SLIT3: variants seen among roughly 807,000 people sequenced by gnomAD.
SLIT3 encodes slit guidance ligand 3.
Under a neutral mutation model 184.0 loss-of-function variants are expected in SLIT3, and 68 were observed. The observed-to-expected ratio is 0.37, with a 90% CI of 0.30 to 0.45. The LOEUF is 0.45. SLIT3 is among the 20% of genes least tolerant of loss of function. SLIT3 has a pLI of 1.00. For missense variants in SLIT3, 1,707 were observed against 2,026.0 expected (o/e 0.84, Z 3.02); for synonymous variants, 831 against 828.6 (o/e 1.00, Z -0.05).
At chr5:168,820,329 G>C (rs986726494) in intron 7 of SLIT3, among the ~76,000 whole-genome samples, 1 of 152,112 alleles carries the variant, frequency 6.6e-6, no homozygotes, top group African/African-American at 2.4e-5. Flanking sequence ...CTGAGCTCAG[G>C]CTGTGATGGC....
intron 3 of SLIT3, among the ~76,000 whole-genome samples, chr5:169,233,787 C>G (rs1431501428): frequency 2.0e-5 from 3 of 152,044 alleles, no homozygotes; most frequent in Non-Finnish European, 4.4e-5. Flanking sequence ...TTTGGCTCCT[C>G]TCTCTCCTTC....
chr5:168,750,019 C>T (rs977211359), intron 18 of SLIT3, among the ~76,000 whole-genome samples: 1 of 152,142 alleles, frequency 6.6e-6, no homozygotes, highest in Non-Finnish European at 1.5e-5. Flanking sequence ...TCAAGGAAGC[C>T]TTCTCTGAGT....
intron 4 of SLIT3, among the ~76,000 whole-genome samples, chr5:169,043,740 A>C (rs1333601537): frequency 6.6e-6 from 1 of 152,236 alleles, no homozygotes; most frequent in African/African-American, 2.4e-5. Context: ...GAAAGCAATG[A>C]GTTTCTCCAT....
At chr5:168,978,389 A>G (rs956273432) in intron 4 of SLIT3, among the ~76,000 whole-genome samples, 6 of 152,182 alleles carry the variant, frequency 3.9e-5, no homozygotes, top group African/African-American at 1.4e-4. Context: ...TGTAGTTTCC[A>G]ATTGCCACCC....
chr5:169,292,736 T>C (rs1767395920), intron 1 of SLIT3, among the ~76,000 whole-genome samples: 1 of 152,152 alleles, frequency 6.6e-6, no homozygotes, highest in Non-Finnish European at 1.5e-5. Context: ...AAATAGAAAA[T>C]GCTCCTGAAA....
chr5:168,848,291 C>T (rs10058047), intron 5 of SLIT3, among the ~76,000 whole-genome samples: 2,212 of 152,284 alleles, frequency 0.015, 58 homozygotes, highest in African/African-American at 0.051. Context: ...AAGACTGAGC[C>T]CTCCTGCTGT....
At chr5:169,054,511 GTC>G (rs1377347987) in intron 4 of SLIT3, among the ~76,000 whole-genome samples, 3 of 152,066 alleles carry the variant, frequency 2.0e-5, no homozygotes, top group Non-Finnish European at 2.9e-5. Flanking sequence ...GGCAATTCAG[GTC>G]TCTGTCTCCT....
intron 4 of SLIT3, among the ~76,000 whole-genome samples, chr5:168,997,055 T>C (rs896074102): frequency 2.6e-5 from 4 of 152,120 alleles, no homozygotes; most frequent in Non-Finnish European, 5.9e-5. Flanking sequence ...AAGGGAGGGA[T>C]CAACCGCCTC....
intron 4 of SLIT3, among the ~76,000 whole-genome samples, chr5:169,161,483 C>T (rs780898144): frequency 5.3e-5 from 8 of 152,152 alleles, no homozygotes; most frequent in Non-Finnish European, 1.2e-4. Flanking sequence ...CGCATCCTGC[C>T]GCCTCCACTC....
At chr5:168,974,898 G>T (rs1277666237) in intron 4 of SLIT3, among the ~76,000 whole-genome samples, 1 of 152,222 alleles carries the variant, frequency 6.6e-6, no homozygotes, top group Non-Finnish European at 1.5e-5. Flanking sequence ...ACACCCCGGA[G>T]AATGGGGAAA....
rs989898325 is a variant in SLIT3 at position 168,940,757 on chromosome 5, G to T, written c.414-57421C>A. Among the ~76,000 whole-genome samples, 7 of 152,172 alleles carry T rather than the reference G, an allele frequency of 4.6e-5. 1 individual carries two copies. Among genetic ancestry groups the T allele is most frequent in the Admixed American group, 4.6e-4 (7 of 15,280 alleles). ...TGCTAATATGCCTAATAAATTGAAA[G>T]CTGCCAGTGTTGTCATGAGATGTAT... On this transcript the variant is annotated intron_variant, in intron 4 of 35. Coordinates refer to ENST00000519560, the MANE Select transcript of SLIT3 (RefSeq NM_003062.4).
At chr5:168,710,868 G>A in intron 25 of SLIT3, 27 bp downstream of exon 25, 1 of 1,481,364 alleles carries the variant, frequency 6.8e-7, no homozygotes, top group Non-Finnish European at 9.0e-7. Context: ...GAGGGGCAGG[G>A]GAGGGTGGGG....
intron 4 of SLIT3, among the ~76,000 whole-genome samples, chr5:168,979,309 G>A (rs1210027142): frequency 6.6e-6 from 1 of 152,188 alleles, no homozygotes; most frequent in East Asian, 1.9e-4. Context: ...TGCACTTGGA[G>A]GCCAGACAGG....
At chr5:169,140,725 A>G (rs1215971544) in intron 4 of SLIT3, among the ~76,000 whole-genome samples, 2 of 152,066 alleles carry the variant, frequency 1.3e-5, no homozygotes, top group Non-Finnish European at 1.5e-5. Context: ...TCTTGAGTCC[A>G]GAAGGTCTAG....
At chr5:168,837,448 G>A (rs907341004) in intron 6 of SLIT3, among the ~76,000 whole-genome samples, 1 of 152,184 alleles carries the variant, frequency 6.6e-6, no homozygotes, top group Non-Finnish European at 1.5e-5. Flanking sequence ...GAGAAAGAAA[G>A]ATCACCATTT....
intron 4 of SLIT3, among the ~76,000 whole-genome samples, chr5:168,984,746 T>G (rs566288588): frequency 5.3e-5 from 8 of 152,290 alleles, no homozygotes; most frequent in African/African-American, 1.4e-4. Flanking sequence ...ATAAGGCTGA[T>G]TATCAGTTAA....
rs550432350 is a variant in SLIT3, at chr5:169,059,567, C to T, written c.413+133912G>A. On this transcript the variant is annotated intron_variant, in intron 4 of 35. Coordinates refer to ENST00000519560, the MANE Select transcript of SLIT3 (RefSeq NM_003062.4). ...ATGTCTACACTGTAGAAGCCTCAAACGGGCCTCTTCCAGCCCACACATGTA... is the reference window on the plus strand; with the variant it reads ...ATGTCTACACTGTAGAAGCCTCAAATGGGCCTCTTCCAGCCCACACATGTA... Among the ~76,000 whole-genome samples the T allele has an allele frequency of 3.3e-5, 5 of 152,300 alleles. No individual in the cohort carries two copies. In the South Asian group the frequency reaches 8.3e-4, roughly 25 times the overall value.
chr5:168,722,176 TG>T, intron 23 of SLIT3, 79 bp downstream of exon 23: 1 of 1,265,862 alleles, frequency 7.9e-7, no homozygotes. Context: ...GGGCAGAGAG[TG>T]GGGAAGGGGA....
chr5:168,730,748 G>T (rs1054989082), intron 20 of SLIT3, among the ~76,000 whole-genome samples: 1 of 151,946 alleles, frequency 6.6e-6, no homozygotes, highest in African/African-American at 2.4e-5. Flanking sequence ...GAAGTTAATA[G>T]CATTGAATAC....
Sources: allele counts gnomAD v4.1 joint callset (sites outside exome capture counted in the v4.1 genomes callset), GRCh38; gene constraint gnomAD v4.1.1; transcripts MANE v1.5; gene names NCBI Gene and HGNC (gene_info 2026-07-23, HGNC 2026-07-21).